Variants in LHFPL3 observed in about 807,000 individuals in gnomAD.
The protein encoded by LHFPL3 is LHFPL tetraspan subfamily member 3 protein.
A neutral mutation model predicts 19.3 loss-of-function variants in LHFPL3; 5 were observed. The ratio of observed to expected loss-of-function variants is 0.26; its 90% CI spans 0.14 to 0.54. LHFPL3 has a LOEUF of 0.54. Ranked by LOEUF, LHFPL3 falls within the 20% of genes least tolerant of loss-of-function variation. The pLI, the probability that LHFPL3 is intolerant of heterozygous loss-of-function variation, is 0.94. For synonymous variants in LHFPL3, 133 were observed against 126.2 expected, an observed-to-expected ratio of 1.05 and a Z score of -0.36; for missense variants, 249 against 307.4, an observed-to-expected ratio of 0.81 and a Z score of 1.42.
chr7:104,657,950 A>C (rs1792149242), intron 1 of LHFPL3, among the ~76,000 whole-genome samples: 1 of 152,234 alleles, frequency 6.6e-6, no homozygotes, highest in Non-Finnish European at 1.5e-5. Flanking sequence ...TATGTGGGTC[A>C]CCTTAATCAA....
At chr7:104,381,382 C>T (rs1411192344) in intron 1 of LHFPL3, among the ~76,000 whole-genome samples, 1 of 152,152 alleles carries the variant, frequency 6.6e-6, no homozygotes, top group Non-Finnish European at 1.5e-5. Context: ...TCCATATTTC[C>T]ATGTTATGCT....
intron 2 of LHFPL3, among the ~76,000 whole-genome samples, chr7:104,738,372 A>G (rs1793869274): frequency 6.6e-6 from 1 of 152,168 alleles, no homozygotes; most frequent in Admixed American, 6.5e-5. Flanking sequence ...ACTTTACTTC[A>G]AATGTAATGG....
chr7:104,411,068 T>G lies in LHFPL3; in HGVS notation c.445+81844T>G, dbSNP rs189832616. Among the ~76,000 whole-genome samples, 58 of 152,330 alleles carry G rather than the reference T, an allele frequency of 3.8e-4. No homozygotes were observed. In the East Asian group the frequency reaches 0.01, roughly 26 times the overall value. ...TTAACTATGCCCTCGTGAAAGTAGA[T>G]TCTAACTGGATTAGTTTCAGTGAGC... On this transcript the variant is annotated intron_variant, in intron 1 of 2. Transcript: ENST00000424859.
intron 2 of LHFPL3, among the ~76,000 whole-genome samples, chr7:104,873,579 G>C (rs1206463782): frequency 6.6e-6 from 1 of 152,150 alleles, no homozygotes; most frequent in African/African-American, 2.4e-5. Context: ...AGCGAGCTAC[G>C]ATCACGTCGC....
At chr7:104,552,192 G>A (rs1794673363) in intron 1 of LHFPL3, among the ~76,000 whole-genome samples, 1 of 152,140 alleles carries the variant, frequency 6.6e-6, no homozygotes, top group Non-Finnish European at 1.5e-5. Flanking sequence ...CATCAAAGAC[G>A]CACCAGGCAG....
intron 2 of LHFPL3, among the ~76,000 whole-genome samples, chr7:104,737,203 A>G (rs904371744): frequency 4.0e-5 from 6 of 151,740 alleles, no homozygotes. Flanking sequence ...CAGGTTTGCC[A>G]TCAGAACTTA....
rs540306176 is a variant in LHFPL3, at chr7:104,636,027, A to G, written c.446-100648A>G. Among the ~76,000 whole-genome samples the G allele has an allele frequency of 2.6e-5, 4 of 152,366 alleles. No individual in the cohort carries two copies. The South Asian group carries it at 8.3e-4, about 32-fold the overall frequency. On this transcript the variant is annotated intron_variant, in intron 1 of 2. Coordinates refer to ENST00000424859, the MANE Select transcript of LHFPL3 (RefSeq NM_199000.3). Reference sequence around the variant, plus strand: ...CTGAGTAAATAAAAAAGACAACTCTAGAAACAATAAAATGTAATTCAAGAC... The same window carrying G: ...CTGAGTAAATAAAAAAGACAACTCTGGAAACAATAAAATGTAATTCAAGAC...
intron 1 of LHFPL3, among the ~76,000 whole-genome samples, chr7:104,685,063 A>T (rs1416871284): frequency 6.6e-6 from 1 of 152,212 alleles, no homozygotes. Context: ...AGAGAGATTC[A>T]TGTATTTACT....
chr7:104,693,196 C>T (rs541849325), intron 1 of LHFPL3, among the ~76,000 whole-genome samples: 4 of 152,306 alleles, frequency 2.6e-5, no homozygotes, highest in Non-Finnish European at 5.9e-5. Context: ...TATCCAATGC[C>T]TGTACCCCCA....
chr7:104,676,190 T>C (rs1313674461), intron 1 of LHFPL3, among the ~76,000 whole-genome samples: 2 of 152,238 alleles, frequency 1.3e-5, no homozygotes, highest in South Asian at 2.1e-4. Flanking sequence ...CACCTAGCTA[T>C]TGATGCTTAT....
chr7:104,721,781 C>G (rs961242567), intron 1 of LHFPL3, among the ~76,000 whole-genome samples: 10 of 152,236 alleles, frequency 6.6e-5, no homozygotes, highest in Non-Finnish European at 1.3e-4. Flanking sequence ...CTGAAGGTGT[C>G]AGGAAGAAGT....
At chr7:104,863,685 G>A (rs1791659656) in intron 2 of LHFPL3, among the ~76,000 whole-genome samples, 1 of 152,224 alleles carries the variant, frequency 6.6e-6, no homozygotes, top group African/African-American at 2.4e-5. Flanking sequence ...TGTAGATAGA[G>A]GTGAGAACAC....
intron 1 of LHFPL3, among the ~76,000 whole-genome samples, chr7:104,505,569 G>T (rs369155850): frequency 9.9e-5 from 15 of 152,146 alleles, no homozygotes; most frequent in African/African-American, 3.6e-4. Flanking sequence ...GGATGACTGA[G>T]TTGTTTTGTT....
intron 1 of LHFPL3, among the ~76,000 whole-genome samples, chr7:104,548,723 C>T (rs1794615470): frequency 6.6e-6 from 1 of 152,142 alleles, no homozygotes; most frequent in Admixed American, 6.6e-5. Context: ...GAATGAGGTA[C>T]TTACCTCCCC....
intron 1 of LHFPL3, among the ~76,000 whole-genome samples, chr7:104,485,276 G>A (rs1377509420): frequency 1.0e-5 from 1 of 95,970 alleles, no homozygotes; most frequent in African/African-American, 4.4e-5. Context: ...CTATTTTATG[G>A]AGTGTTCTTT....
At chr7:104,525,583 T>G (rs1256204613) in intron 1 of LHFPL3, among the ~76,000 whole-genome samples, 1 of 149,728 alleles carries the variant, frequency 6.7e-6, no homozygotes, top group Non-Finnish European at 1.5e-5. Context: ...TGTCTTTATC[T>G]TCTTGGTTTT....
At chr7:104,885,702 A>C (rs745599569) in intron 2 of LHFPL3, among the ~76,000 whole-genome samples, 2 of 151,884 alleles carry the variant, frequency 1.3e-5, no homozygotes, top group Non-Finnish European at 1.5e-5. Flanking sequence ...CTCTGCTTCA[A>C]CTCTTACCCC....
chr7:104,381,670 A>G (rs1009200739), intron 1 of LHFPL3, among the ~76,000 whole-genome samples: 2 of 152,180 alleles, frequency 1.3e-5, no homozygotes, highest in African/African-American at 4.8e-5. Flanking sequence ...CTGCTTTCAT[A>G]GGACTTAAAA....
chr7:104,809,615 A>G (rs1225777598), intron 2 of LHFPL3, among the ~76,000 whole-genome samples: 1 of 152,256 alleles, frequency 6.6e-6, no homozygotes, highest in Non-Finnish European at 1.5e-5. Context: ...TTATTGATAA[A>G]TAGTATTTCT....
Sources: allele counts gnomAD v4.1 joint callset (sites outside exome capture counted in the v4.1 genomes callset), GRCh38; gene constraint gnomAD v4.1.1; transcripts MANE v1.5; gene names NCBI Gene and HGNC (gene_info 2026-07-23, HGNC 2026-07-21).